The following CPLANE2 variants were observed in gnomAD, a reference collection of about 807,000 sequenced individuals.
The protein encoded by CPLANE2 is ciliogenesis and planar polarity effector complex subunit 2, also known as ciliogenesis and planar polarity effector 2.
Under a neutral mutation model 20.9 loss-of-function variants are expected in CPLANE2, and 24 were observed. The ratio of observed to expected loss-of-function variants is 1.15; its 90% CI spans 0.83 to 1.61. CPLANE2 has a LOEUF of 1.61. Among genes scored for constraint, CPLANE2 ranks in the 40% most tolerant of loss-of-function variants. The pLI, the probability that CPLANE2 is intolerant of heterozygous loss-of-function variation, is 0.00. For missense variants in CPLANE2, 330 were observed against 355.1 expected, an observed-to-expected ratio of 0.93 and a Z score of 0.57; for synonymous variants, 132 against 144.3, an observed-to-expected ratio of 0.92 and a Z score of 0.61.
intron 1 of CPLANE2, among the ~76,000 whole-genome samples, chr1:16,234,641 G>C (rs1265728733): frequency 1.3e-5 from 2 of 152,116 alleles, no homozygotes; most frequent in Non-Finnish European, 2.9e-5. Flanking sequence ...GCCTCCGAAA[G>C]TGCTGGGACT....
At chr1:16,234,183 T>C (rs2100394250) in intron 1 of CPLANE2, among the ~76,000 whole-genome samples, 1 of 152,180 alleles carries the variant, frequency 6.6e-6, no homozygotes, top group Non-Finnish European at 1.5e-5. Flanking sequence ...GCAGATCACC[T>C]GAGGTCAGGA....
At chr1:16,233,514 C>T in intron 2 of CPLANE2, 98 bp downstream of exon 2, 1 of 1,423,138 alleles carries the variant, frequency 7.0e-7, no homozygotes, top group Non-Finnish European at 9.7e-7. Flanking sequence ...AAGTGACTTT[C>T]CAAGGCTACA....
In CPLANE2 at chr1:16,233,602, T is replaced by G. The variant is rs1242077367; in HGVS notation, c.265+10A>C. 2 of 1,613,836 alleles carry G rather than the reference T, an allele frequency of 1.2e-6. No homozygotes were observed. Among genetic ancestry groups the G allele is most frequent in the Admixed American group, 3.3e-5 (2 of 60,014 alleles). On this transcript the variant is annotated intron_variant, in intron 2 of 4. Coordinates refer to ENST00000375599, the MANE Select transcript of CPLANE2 (RefSeq NM_030907.4). ...TCCCAGGATGGGCAAAGGATAGAGG[T>G]CCCACTCACCGGTGGTCTCGTGGTG...
At position 16,232,217 on chromosome 1, in the gene CPLANE2, C is replaced by T. The variant is rs576683687; in HGVS notation, c.608G>A (p.Arg203Gln). 1.5e-5 allele frequency: 24 copies of T among 1,612,424 alleles called. 1 individual carries two copies. In the African/African-American group the frequency reaches 1.7e-4, roughly 12 times the overall value. The part of the protein sequence containing the change: ...FRQAWELPLL[R>Q]VKSVPGRRLA... ...CCGCCGCCCCGGCACACTCTTCACC[C>T]GTAGCAGGGGCAGCTCCCAGGCCTG... The change falls in exon 5 of 5, where the codon CGG becomes CAG. Residue 203 changes from arginine (R) to glutamine (Q), a missense_variant. Arg to Gln is a conservative substitution (Grantham distance 43). Transcript: ENST00000375599.
At chr1:16,232,767 G>T (rs1045000413) in intron 3 of CPLANE2, 121 bp from the exon 4 acceptor site, 115 of 1,558,504 alleles carry the variant, frequency 7.4e-5, no homozygotes, top group Non-Finnish European at 9.4e-5. Flanking sequence ...AGGAGCGGCT[G>T]GTCCTAGGAC....
chr1:16,235,069 G>A (rs1373015943), intron 1 of CPLANE2, among the ~76,000 whole-genome samples: 3 of 152,134 alleles, frequency 2.0e-5, no homozygotes, highest in African/African-American at 7.2e-5. Flanking sequence ...AGAAGTCTGG[G>A]ATACAAAGAG....
chr1:16,231,904 CG>C lies in CPLANE2; in HGVS notation c.*143del. 4.2e-6 allele frequency: 5 copies of C among 1,200,718 alleles called. No homozygotes were observed. The South Asian group carries it at 7.4e-5, about 18-fold the overall frequency. The allele number at this position is 1,200,718 out of a possible 1,614,324, so 74.4% of individuals were successfully genotyped here. A position where few individuals can be genotyped will look rare whatever the true frequency, so the allele number is the denominator to read the frequency against. On this transcript the variant is annotated 3_prime_UTR_variant, in exon 5 of 5. Transcript: ENST00000375599. ...AATTCTGCAAGGAAAGCGCTGCTCG[CG>C]GGTGGGCCTTCTCTGGCCACATCCT...
At chr1:16,232,684 T>C (rs374036041) in intron 3 of CPLANE2, 38 bp from the exon 4 acceptor site, 23 of 1,611,760 alleles carry the variant, frequency 1.4e-5, no homozygotes, top group Non-Finnish European at 1.8e-5. Context: ...TCACCCCCCA[T>C]CAGCTGCAGG....
chr1:16,233,332 C>T (rs1173165314), intron 2 of CPLANE2, among the ~76,000 whole-genome samples: 1 of 152,204 alleles, frequency 6.6e-6, no homozygotes, highest in Non-Finnish European at 1.5e-5. Flanking sequence ...CAATCAGCAT[C>T]CAGTGGTGAG....
chr1:16,233,218 C>G (rs900463675), intron 2 of CPLANE2, among the ~76,000 whole-genome samples: 1 of 152,210 alleles, frequency 6.6e-6, no homozygotes, highest in East Asian at 1.9e-4. Flanking sequence ...GACTCTGGTA[C>G]ACCAGGAAGA....
intron 4 of CPLANE2, 106 bp from the exon 5 acceptor site, chr1:16,232,403 T>C: frequency 2.6e-6 from 4 of 1,540,484 alleles, no homozygotes; most frequent in African/African-American, 1.4e-5. Context: ...GGGGTAGCCA[T>C]GCTGTACCCT....
intron 2 of CPLANE2, among the ~76,000 whole-genome samples, chr1:16,233,362 G>A (rs2081439601): frequency 6.6e-6 from 1 of 152,200 alleles, no homozygotes; most frequent in Non-Finnish European, 1.5e-5. Flanking sequence ...AGCAAGATTA[G>A]CATTTCCTGA....
Position 16,232,377 on chromosome 1 carries a change from C to T in CPLANE2, c.528-80G>A, listed in dbSNP as rs1197848521. 2.0e-6 allele frequency: 3 copies of T among 1,528,732 alleles called. No homozygotes were observed. In the African/African-American group the frequency reaches 4.1e-5, roughly 21 times the overall value. 94.7% of individuals were successfully genotyped at this position (1,528,732 alleles called of 1,614,324 possible). ...CCCTGCCTCTCCCTCCTCCCTGGAG[C>T]CCACACCCAGGAGCTGGGGTAGCCA... On this transcript the variant is annotated intron_variant, in intron 4 of 4. Transcript: ENST00000375599.
At chr1:16,235,195 C>G (rs1484019275) in intron 1 of CPLANE2, among the ~76,000 whole-genome samples, 1 of 152,080 alleles carries the variant, frequency 6.6e-6, no homozygotes, top group Non-Finnish European at 1.5e-5. Flanking sequence ...ATAAACCCAG[C>G]TGTTAAAAAA....
chr1:16,233,095 A>C, intron 2 of CPLANE2, 78 bp from the exon 3 acceptor site: 1 of 1,527,150 alleles, frequency 6.5e-7, no homozygotes, highest in Non-Finnish European at 9.0e-7. Context: ...AAGGAATAGG[A>C]AGAAGAGATA....
chr1:16,231,922 C>A lies in CPLANE2; in HGVS notation c.*126G>T. ...CTGCTCGCGGGTGGGCCTTCTCTGG[C>A]CACATCCTCCCTGATCAGGCCATGC... On this transcript the variant is annotated 3_prime_UTR_variant, in exon 5 of 5. Coordinates refer to ENST00000375599, the MANE Select transcript of CPLANE2 (RefSeq NM_030907.4). The A allele has an allele frequency of 1.4e-6, 2 of 1,396,846 alleles. No homozygotes were observed. Among genetic ancestry groups the A allele is most frequent in the Non-Finnish European group, 1.9e-6 (2 of 1,031,210 alleles). The allele number at this position is 1,396,846 out of a possible 1,614,324, so 86.5% of individuals were successfully genotyped here.
chr1:16,233,816 T>C (rs772803670), intron 1 of CPLANE2, 52 bp from the exon 2 acceptor site: 2 of 1,605,956 alleles, frequency 1.2e-6, no homozygotes, highest in Admixed American at 3.4e-5. Context: ...GGTTTGAAGG[T>C]GTCCCCCAGA....
chr1:16,232,687 G>A, intron 3 of CPLANE2, 41 bp from the exon 4 acceptor site: 11 of 1,611,014 alleles, frequency 6.8e-6, no homozygotes, highest in Non-Finnish European at 9.3e-6. Context: ...CCCCCCATCA[G>A]CTGCAGGGCC....
Position 16,232,167 on chromosome 1 carries a change from C to T in CPLANE2, c.658G>A (p.Gly220Arg), listed in dbSNP as rs371291409. ...GCAACGTCGGCCAGCCCAGCCCGCCCGTCCAGTGTGCGCCCATCAGCCAGC... is the reference window on the plus strand; with the variant it reads ...GCAACGTCGGCCAGCCCAGCCCGCCTGTCCAGTGTGCGCCCATCAGCCAGC... ...RRLADGRTLD[G>R]RAGLADVAHI... The change falls in exon 5 of 5, where the codon GGG becomes AGG. Residue 220 changes from glycine to arginine, a missense_variant. By Grantham distance (125) the Gly-to-Arg change is moderately radical. Transcript: ENST00000375599. 1.3e-5 allele frequency: 21 copies of T among 1,613,104 alleles called. No homozygotes were observed. In the African/African-American group the frequency reaches 1.6e-4, roughly 12 times the overall value.
Sources: allele counts gnomAD v4.1 joint callset (sites outside exome capture counted in the v4.1 genomes callset), GRCh38; gene constraint gnomAD v4.1.1; transcripts MANE v1.5; gene names NCBI Gene and HGNC (gene_info 2026-07-23, HGNC 2026-07-21).